The following ETV6 variants were observed in gnomAD, a reference collection of about 807,000 sequenced individuals.
ETV6 encodes the protein transcription factor ETV6.
A neutral mutation model predicts 51.1 loss-of-function variants in ETV6; 16 were observed. The observed-to-expected ratio is 0.31, with a 90% CI of 0.21 to 0.48. ETV6 has a LOEUF of 0.48. Among genes scored for constraint, ETV6 ranks in the 20% least tolerant of loss-of-function variants. The pLI is 0.99. For synonymous variants in ETV6, 240 were observed against 224.1 expected, an observed-to-expected ratio of 1.07 and a Z score of -0.64; for missense variants, 458 against 594.8, an observed-to-expected ratio of 0.77 and a Z score of 2.39.
chr12:11,790,257 C>A (rs114427225), intron 2 of ETV6, among the ~76,000 whole-genome samples: 4 of 152,060 alleles, frequency 2.6e-5, no homozygotes, highest in Admixed American at 6.5e-5. Context: ...GTTTTCCCCA[C>A]GTTGCCTTTG....
At chr12:11,798,651 T>C (rs1945709357) in intron 2 of ETV6, among the ~76,000 whole-genome samples, 1 of 152,188 alleles carries the variant, frequency 6.6e-6, no homozygotes, top group South Asian at 2.1e-4. Flanking sequence ...TCTCAATCAC[T>C]CTGTAGCCAT....
rs572364961 is a variant in ETV6 at position 11,855,781 on chromosome 12, C to T, written c.463+2220C>T. 7.2e-5 allele frequency among the ~76,000 whole-genome samples: 11 copies of T among 152,270 alleles called. No individual in the cohort carries two copies. In the South Asian group the frequency reaches 2.3e-3, roughly 32 times the overall value. On this transcript the variant is annotated intron_variant, in intron 4 of 7. Transcript: ENST00000396373. ...CATCCTTTCCTCCCCTCACTCTACC[C>T]TTGCTAAATTTAGCAGCTGCCCTCC...
At chr12:11,822,796 A>G (rs779901671) in intron 2 of ETV6, among the ~76,000 whole-genome samples, 7 of 152,242 alleles carry the variant, frequency 4.6e-5, no homozygotes, top group Non-Finnish European at 8.8e-5. Flanking sequence ...CTTCATTTCC[A>G]GAAAGGACAG....
At position 11,838,673 on chromosome 12, in the gene ETV6, G is replaced by T. The variant is rs144211869; in HGVS notation, c.164-467G>T. Reference sequence around the variant, plus strand: ...GCTCTGGAACATTCTTTCTTCAGAAGGACGCTGGGCTGCAATCAGATCAGC... The same window carrying T: ...GCTCTGGAACATTCTTTCTTCAGAATGACGCTGGGCTGCAATCAGATCAGC... On this transcript the variant is annotated intron_variant, in intron 2 of 7. Coordinates refer to ENST00000396373, the MANE Select transcript of ETV6 (RefSeq NM_001987.5). 5.3e-5 allele frequency among the ~76,000 whole-genome samples: 8 copies of T among 152,286 alleles called. No homozygotes were observed. The East Asian group carries it at 1.5e-3, about 29-fold the overall frequency.
chr12:11,765,712 G>T (rs1298136504), intron 2 of ETV6, among the ~76,000 whole-genome samples: 1 of 151,122 alleles, frequency 6.6e-6, no homozygotes, highest in Non-Finnish European at 1.5e-5. Flanking sequence ...GGGAAAGCGT[G>T]CATGGGGAAA....
chr12:11,842,727 A>G (rs1399266140), intron 3 of ETV6, among the ~76,000 whole-genome samples: 1 of 152,210 alleles, frequency 6.6e-6, no homozygotes. Flanking sequence ...GACATTTTCC[A>G]CCAGTGCGTA....
At chr12:11,733,407 C>A (rs868105351) in intron 1 of ETV6, among the ~76,000 whole-genome samples, 34 of 101,060 alleles carry the variant, frequency 3.4e-4, no homozygotes, top group African/African-American at 9.1e-4. Context: ...GACTCCATCT[C>A]AAAAAAAAAA....
intron 2 of ETV6, among the ~76,000 whole-genome samples, chr12:11,774,994 G>C (rs1945298379): frequency 6.6e-6 from 1 of 152,148 alleles, no homozygotes; most frequent in South Asian, 2.1e-4. Flanking sequence ...AGGAACTCTG[G>C]GCATAAAAAC....
chr12:11,838,660 TC>T (rs1482581682), intron 2 of ETV6, among the ~76,000 whole-genome samples: 2 of 152,198 alleles, frequency 1.3e-5, no homozygotes, highest in Admixed American at 6.5e-5. Context: ...TCTGGAACAT[TC>T]TTTCTTCAGA....
intron 1 of ETV6, among the ~76,000 whole-genome samples, chr12:11,697,580 A>C (rs897533607): frequency 6.6e-6 from 1 of 152,238 alleles, no homozygotes; most frequent in Non-Finnish European, 1.5e-5. Flanking sequence ...TAATTCTGTG[A>C]AAAATGCTTA....
In ETV6 at chr12:11,873,643, C is replaced by T. The variant is rs1946919308; in HGVS notation, c.1009+3674C>T. Among the ~76,000 whole-genome samples the T allele has an allele frequency of 1.8e-5, 2 of 112,588 alleles. 1 individual carries two copies. The highest frequency in any genetic ancestry group is 3.6e-5 in the Non-Finnish European group (2 of 55,406). The allele number at this position is 112,588 out of a possible 152,430, so 73.9% of individuals were successfully genotyped here. On this transcript the variant is annotated intron_variant, in intron 5 of 7. Coordinates refer to ENST00000396373, the MANE Select transcript of ETV6 (RefSeq NM_001987.5). ...GTGGATCACAAAATGAAGCTAAATT[C>T]TTACTATTCAGATATGATTTGTTCA... is the stretch of plus-strand genomic sequence containing the variant.
chr12:11,702,909 C>A (rs945677242), intron 1 of ETV6, among the ~76,000 whole-genome samples: 1 of 151,988 alleles, frequency 6.6e-6, no homozygotes, highest in African/African-American at 2.4e-5. Flanking sequence ...AGTTTAAGAC[C>A]AGCCTGGGCA....
intron 1 of ETV6, among the ~76,000 whole-genome samples, chr12:11,723,235 G>GC (rs767713849): frequency 4.6e-4 from 66 of 143,518 alleles, no homozygotes; most frequent in Admixed American, 2.5e-3. Context: ...TGGCAAGTGT[G>GC]CATTGTAGGT....
At chr12:11,864,767 C>T (rs1047636667) in intron 4 of ETV6, among the ~76,000 whole-genome samples, 1 of 151,304 alleles carries the variant, frequency 6.6e-6, no homozygotes, top group Non-Finnish European at 1.5e-5. Context: ...AAAAAAAAAG[C>T]TTTTTATAAC....
intron 3 of ETV6, among the ~76,000 whole-genome samples, chr12:11,843,024 G>T (rs890995235): frequency 6.6e-6 from 1 of 152,202 alleles, no homozygotes; most frequent in African/African-American, 2.4e-5. Context: ...ATCATACATC[G>T]TCTCCATTAT....
In ETV6 at chr12:11,650,162, T is replaced by TA. The variant is rs761236212; in HGVS notation, c.33+7dup. The TA allele has an allele frequency of 2.5e-6, 4 of 1,612,960 alleles. No individual in the cohort carries two copies. The South Asian group carries it at 4.4e-5, about 18-fold the overall frequency. On this transcript the variant is annotated splice_region_variant and intron_variant, in intron 1 of 7. Transcript: ENST00000396373. ...ACTCCTGCTCAGTGTAGCATTAAGG[T>TA]AAAAATCTTCTCCCCTCCTTCTACG...
chr12:11,683,358 A>T (rs568757499), intron 1 of ETV6, among the ~76,000 whole-genome samples: 3 of 152,316 alleles, frequency 2.0e-5, no homozygotes, highest in African/African-American at 7.2e-5. Flanking sequence ...TTGAATTTTT[A>T]CAAGACTAAT....
intron 1 of ETV6, among the ~76,000 whole-genome samples, chr12:11,738,307 CTTTTTTT>C (rs59241338): frequency 0.46 from 52,763 of 114,210 alleles, 12,481 homozygotes; most frequent in Middle Eastern, 0.61. Context: ...TTTGTTTTTG[CTTTTTTT>C]TTTTTTTTTT....
chr12:11,755,976 G>T (rs996799400), intron 2 of ETV6, among the ~76,000 whole-genome samples: 2 of 152,138 alleles, frequency 1.3e-5, no homozygotes, highest in African/African-American at 4.8e-5. Context: ...GTAAAGAGGA[G>T]CAGAGATCAT....
Sources: gnomAD v4.1 joint callset for allele counts (sites outside exome capture counted in the v4.1 genomes callset) on GRCh38, gnomAD v4.1.1 for gene constraint, MANE v1.5 for transcripts, NCBI Gene and HGNC (gene_info 2026-07-23, HGNC 2026-07-21) for gene names.